Variants in FARS2 observed in about 807,000 individuals in gnomAD.
FARS2 encodes phenylalanine--tRNA ligase, mitochondrial.
In FARS2, 40 loss-of-function variants were observed where a neutral mutation model predicts 46.4. The observed-to-expected ratio is 0.86, with a 90% CI of 0.67 to 1.12. The LOEUF is 1.12. Ranked by LOEUF, FARS2 falls within the 50% of genes most tolerant of loss-of-function variation. The pLI, the probability that FARS2 is intolerant of heterozygous loss-of-function variation, is 0.00. For synonymous variants in FARS2, 234 were observed against 214.9 expected (o/e 1.09, Z -0.78); for missense variants, 513 against 567.9 (o/e 0.90, Z 0.98).
At chr6:5,610,210 G>T in intron 5 of FARS2, 1 of 603,668 alleles carries the variant, frequency 1.7e-6, no homozygotes, top group Non-Finnish European at 2.9e-6. Context: ...ACGGCAGGGA[G>T]AAGAGAGACT....
At chr6:5,648,748 T>G (rs1315555558) in intron 6 of FARS2, among the ~76,000 whole-genome samples, 1 of 152,204 alleles carries the variant, frequency 6.6e-6, no homozygotes, top group East Asian at 1.9e-4. Flanking sequence ...TGTAATTCAA[T>G]TCCACTACTA....
At chr6:5,435,423 G>A (rs188373253) in intron 4 of FARS2, among the ~76,000 whole-genome samples, 1 of 152,322 alleles carries the variant, frequency 6.6e-6, no homozygotes, top group Non-Finnish European at 1.5e-5. Context: ...AAGCAACTGT[G>A]GCATATATGT....
intron 2 of FARS2, among the ~76,000 whole-genome samples, chr6:5,373,254 A>G (rs1382969459): frequency 6.6e-6 from 1 of 152,132 alleles, no homozygotes; most frequent in Non-Finnish European, 1.5e-5. Context: ...TTCATCAGTG[A>G]CTACTGACGT....
At chr6:5,306,357 C>T (rs1384433514) in intron 1 of FARS2, among the ~76,000 whole-genome samples, 2 of 152,180 alleles carry the variant, frequency 1.3e-5, no homozygotes, top group African/African-American at 4.8e-5. Flanking sequence ...AATTAACAGT[C>T]TACTGGTTCT....
chr6:5,540,941 AGGT>A (rs757685530), intron 4 of FARS2, among the ~76,000 whole-genome samples: 10 of 152,106 alleles, frequency 6.6e-5, no homozygotes, highest in Non-Finnish European at 8.8e-5. Context: ...GGATAATCTG[AGGT>A]GGTGGGCCCA....
chr6:5,371,157 T>C (rs1759038642), intron 2 of FARS2: 1 of 983,482 alleles, frequency 1.0e-6, no homozygotes, highest in Non-Finnish European at 1.2e-6. Context: ...CAAAGGGGAG[T>C]TTTGGTTCCA....
At chr6:5,588,663 G>T (rs1773752688) in intron 5 of FARS2, among the ~76,000 whole-genome samples, 1 of 152,070 alleles carries the variant, frequency 6.6e-6, no homozygotes, top group African/African-American at 2.4e-5. Context: ...CTGCCTACTG[G>T]GCCTCTGTTT....
chr6:5,669,668 A>G (rs1284504406), intron 6 of FARS2, among the ~76,000 whole-genome samples: 1 of 152,168 alleles, frequency 6.6e-6, no homozygotes, highest in African/African-American at 2.4e-5. Flanking sequence ...TATAGGCCCA[A>G]GTCAAGAGCT....
chr6:5,257,318 A>G (rs1764725222), upstream of FARS2, among the ~76,000 whole-genome samples: 1 of 152,030 alleles, frequency 6.6e-6, no homozygotes, highest in South Asian at 2.1e-4. Flanking sequence ...GACCACACCA[A>G]GCTGCTTCAT....
chr6:5,336,896 A>G (rs1032198834), intron 1 of FARS2, among the ~76,000 whole-genome samples: 3 of 152,106 alleles, frequency 2.0e-5, no homozygotes, highest in African/African-American at 4.8e-5. Flanking sequence ...AAATGTATGT[A>G]TCTTTCATTT....
chr6:5,567,363 G>T (rs935514484), intron 5 of FARS2, among the ~76,000 whole-genome samples: 1 of 152,026 alleles, frequency 6.6e-6, no homozygotes, highest in African/African-American at 2.4e-5. Flanking sequence ...TGAGTTCTTT[G>T]TTTTTTGTTA....
chr6:5,619,330 A>G (rs1030858221), intron 6 of FARS2, among the ~76,000 whole-genome samples: 1 of 152,100 alleles, frequency 6.6e-6, no homozygotes, highest in African/African-American at 2.4e-5. Context: ...AAAATGCCCC[A>G]GGTATCTGCA....
At chr6:5,648,617 AT>A (rs1777194435) in intron 6 of FARS2, among the ~76,000 whole-genome samples, 1 of 151,836 alleles carries the variant, frequency 6.6e-6, no homozygotes, top group African/African-American at 2.4e-5. Context: ...CTTCCTTCTG[AT>A]GCTTTCTTTT....
At chr6:5,293,176 A>G (rs758342092) in intron 1 of FARS2, among the ~76,000 whole-genome samples, 1 of 152,184 alleles carries the variant, frequency 6.6e-6, no homozygotes, top group Non-Finnish European at 1.5e-5. Flanking sequence ...TGCGAACAAG[A>G]AGTGTTTAGT....
At chr6:5,615,232 A>C (rs115106697) in intron 6 of FARS2, among the ~76,000 whole-genome samples, 1 of 152,166 alleles carries the variant, frequency 6.6e-6, no homozygotes, top group Admixed American at 6.5e-5. Context: ...TCAGGGATCC[A>C]GTTATGCATA....
intron 5 of FARS2, among the ~76,000 whole-genome samples, chr6:5,589,986 A>C (rs1156419772): frequency 2.6e-5 from 4 of 152,248 alleles, no homozygotes; most frequent in African/African-American, 9.6e-5. Flanking sequence ...CTGCACAGTC[A>C]CTTAACTGCA....
chr6:5,643,508 G>A (rs950525773), intron 6 of FARS2, among the ~76,000 whole-genome samples: 25 of 152,112 alleles, frequency 1.6e-4, no homozygotes, highest in African/African-American at 5.8e-4. Context: ...TCATTCACTC[G>A]GTAAACATTT....
intron 4 of FARS2, among the ~76,000 whole-genome samples, chr6:5,453,599 A>G (rs1375520517): frequency 6.6e-6 from 1 of 152,212 alleles, no homozygotes; most frequent in South Asian, 2.1e-4. Flanking sequence ...TCTGTTTAAC[A>G]TATGATGAAG....
intron 1 of FARS2, among the ~76,000 whole-genome samples, chr6:5,341,219 ATATATATATATATATATTT>A (rs1282282302): frequency 1.6e-3 from 8 of 4,994 alleles, no homozygotes; most frequent in African/African-American, 4.7e-3. Flanking sequence ...ATATATATAT[ATATATATATATATATATTT>A]TTTTTTTTTT....
Sources: gnomAD v4.1 joint callset for allele counts (sites outside exome capture counted in the v4.1 genomes callset) on GRCh38, gnomAD v4.1.1 for gene constraint, MANE v1.5 for transcripts, NCBI Gene and HGNC (gene_info 2026-07-23, HGNC 2026-07-21) for gene names.